The following CPLANE1 variants were observed in gnomAD, a reference collection of about 807,000 sequenced individuals.
The protein encoded by CPLANE1 is ciliogenesis and planar polarity effector complex subunit 1.
CPLANE1 carries 263 observed loss-of-function variants against 362.5 expected under a neutral mutation model. The observed-to-expected ratio is 0.73, with a 90% confidence interval of 0.66 to 0.80. The LOEUF (loss-of-function observed/expected upper bound fraction) is 0.80, where lower values mean the gene tolerates loss of function less well. Ranked by LOEUF, CPLANE1 falls within the 30% of genes least tolerant of loss-of-function variation. CPLANE1 has a pLI of 0.00. For missense variants in CPLANE1, 3,461 were observed against 3,793.4 expected (o/e 0.91, Z 2.30); for synonymous variants, 1,212 against 1,302.6 (o/e 0.93, Z 1.50).
At chr5:37,188,277 T>C (rs1784565043) in intron 21 of CPLANE1, among the ~76,000 whole-genome samples, 1 of 152,228 alleles carries the variant, frequency 6.6e-6, no homozygotes, top group Non-Finnish European at 1.5e-5. Context: ...GATTTAACTA[T>C]ACACAATGCA....
intron 47 of CPLANE1, among the ~76,000 whole-genome samples, chr5:37,124,482 G>A (rs1763608026): frequency 6.6e-6 from 1 of 152,102 alleles, no homozygotes; most frequent in Non-Finnish European, 1.5e-5. Flanking sequence ...ATACATGACT[G>A]GACAATAATT....
rs756598450 is a variant in CPLANE1 at position 37,180,087 on chromosome 5, A to G, written c.5667T>C (p.Ile1889=). Residue 1889 remains isoleucine, a synonymous_variant, in exon 28 of 53, where the codon ATT becomes ATC. Coordinates refer to ENST00000651892, the MANE Select transcript of CPLANE1 (RefSeq NM_001384732.1). The part of the protein sequence containing the change: ...THNTKKEFID[I]DENLLEVEAF... ...CTTCTACTTCTAAAAGATTCTCATC[A>G]ATATCTATAAATTCTTTTTTAGTAT... is the stretch of plus-strand genomic sequence containing the variant. The G allele has an allele frequency of 6.4e-7, 1 of 1,566,060 alleles. No individual in the cohort carries two copies. Among genetic ancestry groups the G allele is most frequent in the African/African-American group, 1.4e-5 (1 of 73,200 alleles).
chr5:37,090,298 C>G, the CPLANE1 span, among the ~76,000 whole-genome samples: 3 of 152,180 alleles, frequency 2.0e-5, no homozygotes, highest in African/African-American at 7.2e-5. Flanking sequence ...CAGATGGCCC[C>G]CGGGCTATGC....
At chr5:37,116,490 A>C (rs1253426041) in intron 50 of CPLANE1, among the ~76,000 whole-genome samples, 2 of 142,740 alleles carry the variant, frequency 1.4e-5, no homozygotes, top group African/African-American at 5.1e-5. Flanking sequence ...TGCCTCAAAA[A>C]AAAAAAAAAA....
intron 21 of CPLANE1, among the ~76,000 whole-genome samples, chr5:37,190,717 A>G (rs1012192872): frequency 1.3e-5 from 2 of 152,208 alleles, no homozygotes; most frequent in African/African-American, 2.4e-5. Flanking sequence ...GACAGACTGC[A>G]TATACTATGG....
At chr5:37,122,541 C>A in intron 47 of CPLANE1, 53 bp from the exon 48 acceptor site, 1 of 1,342,820 alleles carries the variant, frequency 7.4e-7, no homozygotes, top group Non-Finnish European at 1.1e-6. Flanking sequence ...AATAATTAAA[C>A]CATTACACAT....
At chr5:37,204,812 G>A (rs1790239893) in intron 18 of CPLANE1, among the ~76,000 whole-genome samples, 1 of 150,950 alleles carries the variant, frequency 6.6e-6, no homozygotes, top group African/African-American at 2.4e-5. Flanking sequence ...CCCTTGTATT[G>A]TAAGCTGGCA....
At position 37,121,859 on chromosome 5, in the gene CPLANE1, G is replaced by T. The variant is rs954840452; in HGVS notation, c.9018-75C>A. ...TCTATCCAGAGGGAATATAGTGTTT[G>T]AAGATCACCTAGCATGTTCTGGTTT... On this transcript the variant is annotated intron_variant, in intron 48 of 52. Coordinates refer to ENST00000651892, the MANE Select transcript of CPLANE1 (RefSeq NM_001384732.1). 103 of 1,204,624 alleles carry T rather than the reference G, an allele frequency of 8.6e-5. 2 individuals are homozygous for T. In the South Asian group the frequency reaches 1.3e-3, roughly 15 times the overall value. 74.6% of individuals were successfully genotyped at this position (1,204,624 alleles called of 1,614,324 possible).
rs1458500855 is a variant in CPLANE1, at chr5:37,179,453, A to C, written c.5738-10T>G. On this transcript the variant is annotated splice_polypyrimidine_tract_variant and intron_variant, in intron 28 of 52. Coordinates refer to ENST00000651892, the MANE Select transcript of CPLANE1 (RefSeq NM_001384732.1). ...GATTCTTCAATGTCTTCTAGCGATA[A>C]GTGAAGATGAAGAGAAAACTGATCA... The C allele has an allele frequency of 3.1e-6, 5 of 1,592,856 alleles. No homozygotes were observed. The Admixed American group carries it at 5.2e-5, about 17-fold the overall frequency.
chr5:37,146,551 T>G (rs531431936), intron 43 of CPLANE1, among the ~76,000 whole-genome samples: 1 of 152,290 alleles, frequency 6.6e-6, no homozygotes, highest in South Asian at 2.1e-4. Flanking sequence ...TATTAAGAAT[T>G]TTTTAAAGGA....
chr5:37,120,292 G>T lies in CPLANE1; in HGVS notation c.9234C>A (p.Val3078=). The T allele has an allele frequency of 1.3e-6, 2 of 1,598,326 alleles. No homozygotes were observed. Among genetic ancestry groups the T allele is most frequent in the Non-Finnish European group, 8.5e-7 (1 of 1,174,476 alleles). ...HSFLINRPGK[V]KYMSKPSYIH... is the part of the protein sequence containing the mutation. ...TATAACTCGGTTTGGACATATATTT[G>T]ACTTTTCCAGGTCGATTTATTAGAA... The change falls in exon 50 of 53, where the codon GTC becomes GTA. Residue 3078 remains valine (V), a synonymous_variant. Coordinates refer to ENST00000651892, the MANE Select transcript of CPLANE1 (RefSeq NM_001384732.1).
chr5:37,224,117 T>A, intron 14 of CPLANE1, 136 bp downstream of exon 14: 1 of 594,782 alleles, frequency 1.7e-6, no homozygotes, highest in Non-Finnish European at 2.9e-6. Context: ...ATTTTTAAGG[T>A]CTATGGCAAG....
At chr5:37,082,882 G>A in the CPLANE1 span, among the ~76,000 whole-genome samples, 1 of 152,184 alleles carries the variant, frequency 6.6e-6, no homozygotes, top group Admixed American at 6.5e-5. Flanking sequence ...CAGATGGGAG[G>A]TAGCACTAGA....
Position 37,108,444 on chromosome 5 carries a change from T to A in CPLANE1, c.9428A>T (p.Gln3143Leu). 1 of 1,614,186 alleles carries A rather than the reference T, an allele frequency of 6.2e-7. No homozygotes were observed. The highest frequency in any genetic ancestry group is 1.1e-5 in the South Asian group (1 of 91,080). ...KGSNAPCHSL[Q>L]HTKKHGSAGL... is the part of the protein sequence containing the mutation. The stretch of plus-strand genomic sequence containing the variant: ...AGCACTTCCATGTTTTTTTGTATGC[T>A]GCAGACTATGACACGGAGCATTAGA... The change falls in exon 52 of 53, where the codon CAG becomes CTG. Residue 3143 changes from glutamine (Q) to leucine (L), a missense_variant. Physicochemically the swap from Gln to Leu is moderately radical, Grantham distance 113. Around this residue, in one of 2 missense-constraint regions of CPLANE1, gnomAD observed 3,380 missense variants for 3,666.1 expected, o/e 0.92. Coordinates refer to ENST00000651892, the MANE Select transcript of CPLANE1 (RefSeq NM_001384732.1).
intron 15 of CPLANE1, among the ~76,000 whole-genome samples, chr5:37,218,244 C>G (rs1413577567): frequency 6.6e-6 from 1 of 152,126 alleles, no homozygotes; most frequent in Non-Finnish European, 1.5e-5. Context: ...CATCTGTTTT[C>G]CCTCTGAGAG....
intron 13 of CPLANE1, 45 bp downstream of exon 13, chr5:37,224,487 A>C: frequency 1.4e-6 from 2 of 1,392,552 alleles, no homozygotes; most frequent in Non-Finnish European, 2.0e-6. Flanking sequence ...CTGGTTAACT[A>C]TGTCATTTAT....
intron 4 of CPLANE1, 119 bp downstream of exon 4, chr5:37,245,360 C>A (rs1304760411): frequency 1.5e-4 from 27 of 178,266 alleles, no homozygotes; most frequent in African/African-American, 6.8e-4. Context: ...TACACACACT[C>A]AGATATACAT....
the CPLANE1 span, chr5:37,085,072 A>G: frequency 2.8e-6 from 2 of 713,550 alleles, no homozygotes; most frequent in Non-Finnish European, 5.2e-6. Flanking sequence ...GGTGGTCCCA[A>G]GAAGCATCTG....
chr5:37,093,973 T>G, the CPLANE1 span, among the ~76,000 whole-genome samples: 1 of 143,988 alleles, frequency 6.9e-6, no homozygotes. Flanking sequence ...AAAACTAACC[T>G]TTGATCATTT....
Sources: allele counts gnomAD v4.1 joint callset (sites outside exome capture counted in the v4.1 genomes callset), GRCh38; gene constraint gnomAD v4.1.1; regional missense constraint gnomAD v4.1.1; transcripts MANE v1.5; gene names NCBI Gene and HGNC (gene_info 2026-07-23, HGNC 2026-07-21).